The following ZKSCAN2 variants were observed in gnomAD, a reference collection of about 807,000 sequenced individuals.
The protein encoded by ZKSCAN2 is zinc finger protein with KRAB and SCAN domains 2.
Under a neutral mutation model 90.5 loss-of-function variants are expected in ZKSCAN2, and 38 were observed. The ratio of observed to expected loss-of-function variants is 0.42; its 90% CI spans 0.32 to 0.55. The LOEUF (loss-of-function observed/expected upper bound fraction) is 0.55, where lower values mean the gene tolerates loss of function less well. ZKSCAN2 is among the 20% of genes least tolerant of loss of function. ZKSCAN2 has a pLI of 0.11. For synonymous variants in ZKSCAN2, 429 were observed against 421.6 expected, an observed-to-expected ratio of 1.02 and a Z score of -0.22; for missense variants, 1,167 against 1,202.6, an observed-to-expected ratio of 0.97 and a Z score of 0.44.
At chr16:25,243,241 C>T (rs888018500) in intron 6 of ZKSCAN2, among the ~76,000 whole-genome samples, 1 of 152,188 alleles carries the variant, frequency 6.6e-6, no homozygotes, top group Non-Finnish European at 1.5e-5. Flanking sequence ...CACTGTCTGA[C>T]CCATACCAAC....
chr16:25,257,181 G>T lies in ZKSCAN2; in HGVS notation c.-54C>A. ...TAGCTCAAGGTGGGGACCCAAAGAA[G>T]ACTCCAAGCGCTCCCTGCTTAATGT... On this transcript the variant is annotated 5_prime_UTR_variant, in exon 1 of 7. Transcript: ENST00000328086. The T allele has an allele frequency of 6.6e-7, 1 of 1,520,598 alleles. No homozygotes were observed. Among genetic ancestry groups the T allele is most frequent in the Non-Finnish European group, 8.8e-7 (1 of 1,138,810 alleles). The allele number at this position is 1,520,598 out of a possible 1,614,324, so 94.2% of individuals were successfully genotyped here.
Position 25,240,189 on chromosome 16 carries a change from G to A in ZKSCAN2, c.2531C>T (p.Ser844Phe). 1 of 1,614,100 alleles carries A rather than the reference G, an allele frequency of 6.2e-7. No homozygotes were observed. Among genetic ancestry groups the A allele is most frequent in the Non-Finnish European group, 8.5e-7 (1 of 1,180,022 alleles). Residue 844 changes from serine to phenylalanine, a missense_variant, in exon 7 of 7, where the codon TCT (serine) becomes TTT (phenylalanine). Physicochemically the swap from Ser to Phe is radical, Grantham distance 155. Coordinates refer to ENST00000328086, the MANE Select transcript of ZKSCAN2 (RefSeq NM_001012981.5). Reference sequence around the variant, plus strand: ...CGTTCTCTGATGTATAATAAGACTAGAGCTCTGACTAAAGCATTTTCCACA... The same window carrying A: ...CGTTCTCTGATGTATAATAAGACTAAAGCTCTGACTAAAGCATTTTCCACA... ...GECGKCFSQSSSLIIHQRTHT... is the reference protein window; with the variant it reads ...GECGKCFSQSFSLIIHQRTHT...
chr16:25,244,407 A>T (rs529265615), intron 5 of ZKSCAN2, 131 bp from the exon 6 acceptor site: 4 of 913,172 alleles, frequency 4.4e-6, no homozygotes, highest in Non-Finnish European at 6.5e-6. Flanking sequence ...ACATATGCCT[A>T]GGAATAAGCT....
At position 25,240,245 on chromosome 16, in the gene ZKSCAN2, G is replaced by A; in HGVS notation, c.2475C>T (p.His825=). ...SSNFGAHQRI[H]TGEKPYRCGE... Reference sequence around the variant, plus strand: ...CGCATCTGTAGGGTTTCTCTCCTGTGTGGATTCTCTGGTGGGCACCAAAAT... The same window carrying A: ...CGCATCTGTAGGGTTTCTCTCCTGTATGGATTCTCTGGTGGGCACCAAAAT... The change falls in exon 7 of 7, where the codon CAC becomes CAT. Residue 825 remains histidine, a synonymous_variant. Coordinates refer to ENST00000328086, the MANE Select transcript of ZKSCAN2 (RefSeq NM_001012981.5). 1.2e-6 allele frequency: 2 copies of A among 1,614,164 alleles called. No homozygotes were observed. The highest frequency in any genetic ancestry group is 1.7e-6 in the Non-Finnish European group (2 of 1,180,042).
intron 5 of ZKSCAN2, chr16:25,246,410 A>T (rs1000644050): frequency 2.4e-6 from 1 of 422,838 alleles, no homozygotes; most frequent in African/African-American, 2.0e-5. Context: ...ATAATACAAG[A>T]TCCTTAGAAC....
At position 25,257,038 on chromosome 16, in the gene ZKSCAN2, T is replaced by A; in HGVS notation, c.90A>T (p.Ala30=). The A allele has an allele frequency of 6.2e-7, 1 of 1,614,204 alleles. No homozygotes were observed. The highest frequency in any genetic ancestry group is 1.3e-5 in the African/African-American group (1 of 75,062). ...IMKVEKDPEW[A]SEPILEGSDS... ...CCGATCCTTCCAGAATGGGCTCTGA[T>A]GCCCACTCAGGGTCCTTTTCCACCT... The change falls in exon 1 of 7, where the codon GCA becomes GCT. Residue 30 remains alanine, a synonymous_variant. Transcript: ENST00000328086.
In ZKSCAN2 at chr16:25,240,756, A is replaced by G; in HGVS notation, c.1982-18T>C. On this transcript the variant is annotated intron_variant, in intron 6 of 6. Coordinates refer to ENST00000328086, the MANE Select transcript of ZKSCAN2 (RefSeq NM_001012981.5). ...TTCAAAATCTGAAAAAATGAAAGACAATACAAATTTTATACAAGTCTGATA... is the reference window on the plus strand; with the variant it reads ...TTCAAAATCTGAAAAAATGAAAGACGATACAAATTTTATACAAGTCTGATA... The G allele has an allele frequency of 1.3e-6, 2 of 1,598,244 alleles. No homozygotes were observed. Among genetic ancestry groups the G allele is most frequent in the Non-Finnish European group, 1.7e-6 (2 of 1,170,204 alleles).
chr16:25,257,590 G>C lies in ZKSCAN2; in HGVS notation c.-463C>G, dbSNP rs1350324788. ...CCGCCCGGCGCCAGGTTCCGGGCTC[G>C]GGTCACCGCAGCACGTCCAGGCCGC... is the stretch of plus-strand genomic sequence containing the variant. On this transcript the variant is annotated 5_prime_UTR_variant, in exon 1 of 7. Coordinates refer to ENST00000328086, the MANE Select transcript of ZKSCAN2 (RefSeq NM_001012981.5). 1 of 860,466 alleles carries C rather than the reference G, an allele frequency of 1.2e-6. No homozygotes were observed. The highest frequency in any genetic ancestry group is 1.4e-6 in the Non-Finnish European group (1 of 716,022). 53.3% of individuals were successfully genotyped at this position (860,466 alleles called of 1,614,324 possible).
chr16:25,255,330 G>A lies in ZKSCAN2; in HGVS notation c.462C>T (p.Asp154=). 1.2e-6 allele frequency: 2 copies of A among 1,613,676 alleles called. No homozygotes were observed. The highest frequency in any genetic ancestry group is 1.7e-6 in the Non-Finnish European group (2 of 1,179,954). The change falls in exon 2 of 7, where the codon GAC becomes GAT. Residue 154 remains aspartate, a synonymous_variant. Transcript: ENST00000328086. Reference sequence around the variant, plus strand: ...GGGTCTCCACCTGCTCTGGCTGGAAGTCTGCCACCTCCCACGCTGCTCCAA... The same window carrying A: ...GGGTCTCCACCTGCTCTGGCTGGAAATCTGCCACCTCCCACGCTGCTCCAA... ...SPLGAAWEVA[D]FQPEQVETQP...
In ZKSCAN2 at chr16:25,237,041, A is replaced by C. The variant is rs1032262564; in HGVS notation, c.*2775T>G. 2.6e-5 allele frequency: 4 copies of C among 151,944 alleles called. No individual in the cohort carries two copies. Among genetic ancestry groups the C allele is most frequent in the Admixed American group, 6.6e-5 (1 of 15,180 alleles). The allele number at this position is 151,944 out of a possible 1,614,324, so 9.4% of individuals were successfully genotyped here. On this transcript the variant is annotated 3_prime_UTR_variant, in exon 7 of 7. Transcript: ENST00000328086. ...AAGTTACAAAAATCACAGTGTTTGT[A>C]ATACATACATACAGATCTACACACA... is the stretch of plus-strand genomic sequence containing the variant.
Position 25,256,876 on chromosome 16 carries a change from T to C in ZKSCAN2, c.252A>G (p.Ile84Met), listed in dbSNP as rs567096144. 3 of 1,614,204 alleles carry C rather than the reference T, an allele frequency of 1.9e-6. No homozygotes were observed. The highest frequency in any genetic ancestry group is 2.7e-5 in the African/African-American group (2 of 75,048). Residue 84 changes from isoleucine (I) to methionine (M), a missense_variant, in exon 1 of 7, where the codon ATA becomes ATG. Physicochemically the swap from Ile to Met is conservative, Grantham distance 10. Coordinates refer to ENST00000328086, the MANE Select transcript of ZKSCAN2 (RefSeq NM_001012981.5). ...ACTGCTCAATCACCAGCAGCTCAAGTATTTGCTCCTTGGAACGCATTTCTG... is the reference window on the plus strand; with the variant it reads ...ACTGCTCAATCACCAGCAGCTCAAGCATTTGCTCCTTGGAACGCATTTCTG... ...LKPEMRSKEQ[I>M]LELLVIEQFL...
chr16:25,241,943 C>T (rs572166642), intron 6 of ZKSCAN2, among the ~76,000 whole-genome samples: 16 of 152,316 alleles, frequency 1.1e-4, no homozygotes, highest in African/African-American at 3.6e-4. Flanking sequence ...GATCATAGCT[C>T]ACTGCAGCCT....
In ZKSCAN2 at chr16:25,243,946, C is replaced by T; in HGVS notation, c.1820G>A (p.Gly607Glu). ...TTCCTGGGGTTCAACCTCAATACCC[C>T]CTCTTTCTTGCCTTGAAGGTGATGG... ...EVPSPSRQERGGIEVEPQEPT... is the reference protein window; with the variant it reads ...EVPSPSRQEREGIEVEPQEPT... The change falls in exon 6 of 7, where the codon GGG (glycine) becomes GAG (glutamate). Residue 607 changes from glycine to glutamate, a missense_variant. Physicochemically the swap from Gly to Glu is moderately conservative, Grantham distance 98. Coordinates refer to ENST00000328086, the MANE Select transcript of ZKSCAN2 (RefSeq NM_001012981.5). 6.2e-7 allele frequency: 1 copy of T among 1,614,140 alleles called. No homozygotes were observed. Among genetic ancestry groups the T allele is most frequent in the Non-Finnish European group, 8.5e-7 (1 of 1,180,024 alleles).
intron 5 of ZKSCAN2, among the ~76,000 whole-genome samples, 199 bp from the exon 6 acceptor site, chr16:25,244,475 T>C (rs562522141): frequency 6.6e-6 from 1 of 152,020 alleles, no homozygotes; most frequent in Non-Finnish European, 1.5e-5. Flanking sequence ...CTAGAAAAAA[T>C]GACAAGACAC....
intron 6 of ZKSCAN2, among the ~76,000 whole-genome samples, chr16:25,242,434 G>A (rs1055617656): frequency 6.6e-6 from 1 of 152,166 alleles, no homozygotes; most frequent in African/African-American, 2.4e-5. Flanking sequence ...GAATTACCCT[G>A]CATATTCAAC....
At chr16:25,246,517 G>A in intron 5 of ZKSCAN2, 190 bp downstream of exon 5, 2 of 620,556 alleles carry the variant, frequency 3.2e-6, no homozygotes, top group Non-Finnish European at 5.7e-6. Flanking sequence ...GCCACTTGGA[G>A]CTGTTACTCT....
Position 25,244,034 on chromosome 16 carries a change from C to T in ZKSCAN2, c.1732G>A (p.Glu578Lys). The change falls in exon 6 of 7, where the codon GAG becomes AAG. Residue 578 changes from glutamate to lysine, a missense_variant. Physicochemically the swap from Glu to Lys is moderately conservative, Grantham distance 56 (BLOSUM62 1). Transcript: ENST00000328086. ...HVLESCAFYK[E>K]MDALINSRAS... ...CGAGAGTTAATCAGGGCATCCATCT[C>T]CTTGTAGAACGCGCAGGACTCTAGC... The T allele has an allele frequency of 1.2e-6, 2 of 1,614,200 alleles. No homozygotes were observed. The highest frequency in any genetic ancestry group is 1.7e-6 in the Non-Finnish European group (2 of 1,180,036).
chr16:25,247,438 G>C (rs202153288), intron 4 of ZKSCAN2, 48 bp from the exon 5 acceptor site: 1 of 1,503,682 alleles, frequency 6.7e-7, no homozygotes, highest in African/African-American at 1.4e-5. Flanking sequence ...AGTCATTACT[G>C]CATGCCTCAA....
Position 25,244,249 on chromosome 16 carries a change from T to C in ZKSCAN2, c.1517A>G (p.Lys506Arg). 1 of 1,613,890 alleles carries C rather than the reference T, an allele frequency of 6.2e-7. No individual in the cohort carries two copies. The highest frequency in any genetic ancestry group is 1.1e-5 in the South Asian group (1 of 91,080). ...SGVHWGYEET[K>R]TFLDILRETR... ...CTCACGGAGGATATCAAGAAAAGTC[T>C]TGGTTTCTTCATAGCCCCAGTGCAC... The change falls in exon 6 of 7, where the codon AAG becomes AGG. Residue 506 changes from lysine to arginine, a missense_variant. Transcript: ENST00000328086.
Sources: allele counts gnomAD v4.1 joint callset (sites outside exome capture counted in the v4.1 genomes callset), GRCh38; gene constraint gnomAD v4.1.1; transcripts MANE v1.5; gene names NCBI Gene and HGNC (gene_info 2026-07-23, HGNC 2026-07-21).